The following LARP7 variants were observed in gnomAD, a reference collection of about 807,000 sequenced individuals.
LARP7 encodes the protein La ribonucleoprotein 7, transcriptional regulator, also known as la-related protein 7.
Under a neutral mutation model 69.3 loss-of-function variants are expected in LARP7, and 52 were observed. The observed-to-expected ratio is 0.75, with a 90% CI of 0.60 to 0.95. The LOEUF (loss-of-function observed/expected upper bound fraction) is 0.95. Among genes scored for constraint, LARP7 ranks in the 40% least tolerant of loss-of-function variants. The probability of loss-of-function intolerance (pLI) is 0.00; values close to 1 mark genes in which losing one functional copy is unlikely to be tolerated. For missense variants in LARP7, 733 were observed against 673.0 expected (o/e 1.09, Z -0.99); for synonymous variants, 254 against 215.9 (o/e 1.18, Z -1.55).
intron 9 of LARP7, 188 bp downstream of exon 9, chr4:112,649,874 G>A (rs550901067): frequency 2.6e-6 from 1 of 391,994 alleles, no homozygotes; most frequent in Non-Finnish European, 4.5e-6. Context: ...TATTTAAAAG[G>A]CTCATTTAAA....
In LARP7 at chr4:112,657,331, A is replaced by G. The variant is rs758626659; in HGVS notation, c.*4A>G. ...AAGATTTTCTGAATATGATTGAAAA[A>G]AAAAACAGTTCACCTCTTAATACTT... On this transcript the variant is annotated 3_prime_UTR_variant, in exon 13 of 13. Transcript: ENST00000344442. 34 of 1,529,218 alleles carry G rather than the reference A, an allele frequency of 2.2e-5. No homozygotes were observed. The highest frequency in any genetic ancestry group is 2.7e-5 in the Non-Finnish European group (30 of 1,121,836). 94.7% of individuals were successfully genotyped at this position (1,529,218 alleles called of 1,614,324 possible).
Position 112,647,182 on chromosome 4 carries a change from T to C in LARP7, c.647-17T>C, listed in dbSNP as rs369860218. On this transcript the variant is annotated splice_polypyrimidine_tract_variant and intron_variant, in intron 6 of 12. Coordinates refer to ENST00000344442, the MANE Select transcript of LARP7 (RefSeq NM_016648.4). ...TAGTTGAAGTAAGATGAACTAATAA[T>C]GATGGCACTTTTACAGAAGAGAAGA... 1.3e-6 allele frequency: 2 copies of C among 1,591,502 alleles called. No homozygotes were observed. The highest frequency in any genetic ancestry group is 1.7e-6 in the Non-Finnish European group (2 of 1,174,552).
intron 7 of LARP7, 61 bp downstream of exon 7, chr4:112,647,610 TA>T (rs781652858): frequency 2.2e-5 from 32 of 1,468,406 alleles, no homozygotes; most frequent in Non-Finnish European, 2.8e-5. Flanking sequence ...AGTTTTTAAT[TA>T]ATTAGGTTTT....
At chr4:112,644,599 T>C in intron 1 of LARP7, 69 bp from the exon 2 acceptor site, 3 of 1,241,258 alleles carry the variant, frequency 2.4e-6, no homozygotes, top group Non-Finnish European at 3.3e-6. Flanking sequence ...TAAAGGCTAA[T>C]CTAAATATTT....
Position 112,646,460 on chromosome 4 carries a change from C to G in LARP7, c.303+9C>G. The G allele has an allele frequency of 1.3e-6, 2 of 1,485,238 alleles. No homozygotes were observed. Among genetic ancestry groups the G allele is most frequent in the South Asian group, 1.2e-5 (1 of 85,074 alleles). 92.0% of individuals were successfully genotyped at this position (1,485,238 alleles called of 1,614,324 possible). ...GTTCAGCTGTTGTAGAGGTAAGAATCAAGAATAACTACTGTTTATATTTAT... is the reference window on the plus strand; with the variant it reads ...GTTCAGCTGTTGTAGAGGTAAGAATGAAGAATAACTACTGTTTATATTTAT... On this transcript the variant is annotated intron_variant, in intron 3 of 12. Transcript: ENST00000344442.
intron 12 of LARP7, chr4:112,655,606 G>C (rs920555005): frequency 3.3e-5 from 5 of 152,168 alleles, no homozygotes; most frequent in African/African-American, 1.2e-4. Flanking sequence ...ATTTTTGAGT[G>C]CCTTGTGTTA....
In LARP7 at chr4:112,646,356, G is replaced by C; in HGVS notation, c.208G>C (p.Asp70His). The C allele has an allele frequency of 4.2e-6, 6 of 1,424,746 alleles. No homozygotes were observed. Among genetic ancestry groups the C allele is most frequent in the Non-Finnish European group, 5.9e-6 (6 of 1,016,388 alleles). The allele number at this position is 1,424,746 out of a possible 1,614,324, so 88.3% of individuals were successfully genotyped here. The part of the protein sequence containing the change: ...QIEKSRDGYV[D>H]ISLLVSFNKM... Reference sequence around the variant, plus strand: ...AACTTTTTCATTTTCTTTAGATGTTGATATATCACTACTTGTGTCTTTTAA... The same window carrying C: ...AACTTTTTCATTTTCTTTAGATGTTCATATATCACTACTTGTGTCTTTTAA... The change falls in exon 3 of 13, where the codon GAT becomes CAT. Residue 70 changes from aspartate to histidine, a missense_variant. By Grantham distance (81) the Asp-to-His change is moderately conservative. Transcript: ENST00000344442.
At chr4:112,653,010 G>A (rs920882679) in intron 10 of LARP7, 67 bp from the exon 11 acceptor site, 20 of 1,248,700 alleles carry the variant, frequency 1.6e-5, no homozygotes, top group Non-Finnish European at 2.2e-5. Flanking sequence ...ATAACCATTG[G>A]AATAGTTTTA....
rs2048273429 is a variant in LARP7, at chr4:112,646,680, A to G, written c.387+9A>G. On this transcript the variant is annotated intron_variant, in intron 4 of 12. Coordinates refer to ENST00000344442, the MANE Select transcript of LARP7 (RefSeq NM_016648.4). Reference sequence around the variant, plus strand: ...AACGCACAGTGTATGTGGTAAGCTTAAGAACCCGGGTCCCCAGTCAGAAAC... The same window carrying G: ...AACGCACAGTGTATGTGGTAAGCTTGAGAACCCGGGTCCCCAGTCAGAAAC... 1 of 1,588,506 alleles carries G rather than the reference A, an allele frequency of 6.3e-7. No homozygotes were observed. The highest frequency in any genetic ancestry group is 8.5e-7 in the Non-Finnish European group (1 of 1,169,594).
intron 1 of LARP7, among the ~76,000 whole-genome samples, chr4:112,642,814 C>A (rs185781772): frequency 1.3e-5 from 2 of 152,338 alleles, no homozygotes; most frequent in East Asian, 3.9e-4. Flanking sequence ...ACCTCTTTTG[C>A]CTATCAATCT....
chr4:112,643,667 G>A (rs1378761338), intron 1 of LARP7, among the ~76,000 whole-genome samples: 1 of 152,124 alleles, frequency 6.6e-6, no homozygotes, highest in South Asian at 2.1e-4. Flanking sequence ...GGCCAACATG[G>A]TGAAACTCTG....
intron 2 of LARP7, among the ~76,000 whole-genome samples, chr4:112,646,001 T>G (rs1035466942): frequency 1.6e-4 from 21 of 135,134 alleles, no homozygotes; most frequent in African/African-American, 5.3e-4. Context: ...TACAGTTTTT[T>G]TTTGTTTGTT....
chr4:112,641,024 T>C (rs1415961386), intron 1 of LARP7, among the ~76,000 whole-genome samples: 1 of 152,178 alleles, frequency 6.6e-6, no homozygotes, highest in African/African-American at 2.4e-5. Flanking sequence ...TTGTGATAGA[T>C]GAAATTAGAG....
At chr4:112,648,141 T>A (rs757024872) in intron 8 of LARP7, 1 of 523,356 alleles carries the variant, frequency 1.9e-6, no homozygotes, top group South Asian at 1.5e-5. Flanking sequence ...TACAATAAAG[T>A]TATTTTCTAA....
chr4:112,646,495 T>C, intron 3 of LARP7, 44 bp downstream of exon 3: 1 of 1,287,906 alleles, frequency 7.8e-7, no homozygotes, highest in Non-Finnish European at 1.1e-6. Context: ...TAGTTTATAA[T>C]TATAAAGAAT....
chr4:112,639,968 T>A (rs1358680602), intron 1 of LARP7, among the ~76,000 whole-genome samples: 1 of 152,200 alleles, frequency 6.6e-6, no homozygotes, highest in Non-Finnish European at 1.5e-5. Context: ...AGATGGAGAC[T>A]GAATCTGTCT....
intron 8 of LARP7, 191 bp downstream of exon 8, chr4:112,648,025 CTTATTTTTG>C (rs779103063): frequency 2.9e-6 from 2 of 678,104 alleles, no homozygotes; most frequent in Admixed American, 1.8e-5. Context: ...CATGGAAGCA[CTTATTTTTG>C]TCATGTCACA....
chr4:112,652,302 C>CG (rs1369051000), intron 10 of LARP7, among the ~76,000 whole-genome samples: 5 of 142,882 alleles, frequency 3.5e-5, no homozygotes, highest in African/African-American at 1.3e-4. Context: ...TTCCCCCCCC[C>CG]CCCCATTTAG....
chr4:112,647,437 G>A lies in LARP7; in HGVS notation c.885G>A (p.Arg295=). Reference sequence around the variant, plus strand: ...TACCTGAAGTCAGAACAGGGAAGAGGAAGAGAAGCAGCTCTGAAGATGCAG... The same window carrying A: ...TACCTGAAGTCAGAACAGGGAAGAGAAAGAGAAGCAGCTCTGAAGATGCAG... ...SSLPEVRTGK[R]KRSSSEDAES... The change falls in exon 7 of 13, where the codon AGG becomes AGA. Residue 295 remains arginine, a synonymous_variant. Coordinates refer to ENST00000344442, the MANE Select transcript of LARP7 (RefSeq NM_016648.4). 6.2e-7 allele frequency: 1 copy of A among 1,614,110 alleles called. No homozygotes were observed. The highest frequency in any genetic ancestry group is 1.1e-5 in the South Asian group (1 of 91,074).
Sources: allele counts gnomAD v4.1 joint callset (sites outside exome capture counted in the v4.1 genomes callset), GRCh38; gene constraint gnomAD v4.1.1; transcripts MANE v1.5; gene names NCBI Gene and HGNC (gene_info 2026-07-23, HGNC 2026-07-21).